PRKAG2: variants seen among roughly 807,000 people sequenced by gnomAD.
PRKAG2 encodes the protein 5'-AMP-activated protein kinase subunit gamma-2.
In PRKAG2, 26 loss-of-function variants were observed where a neutral mutation model predicts 69.6. The observed-to-expected ratio is 0.37, with a 90% CI of 0.27 to 0.52. The LOEUF is 0.52. Among genes scored for constraint, PRKAG2 ranks in the 20% least tolerant of loss-of-function variants. PRKAG2 has a pLI of 0.90. For missense variants in PRKAG2, 557 were observed against 740.0 expected (o/e 0.75, Z 2.87); for synonymous variants, 293 against 285.0 (o/e 1.03, Z -0.28).
chr7:151,656,068 TAAACCTG>T (rs1829364480), intron 4 of PRKAG2, among the ~76,000 whole-genome samples: 1 of 152,238 alleles, frequency 6.6e-6, no homozygotes, highest in Non-Finnish European at 1.5e-5. Context: ...CTAATTTTTT[TAAACCTG>T]AAACCTGAGT....
chr7:151,581,461 G>T (rs376805956), intron 6 of PRKAG2, among the ~76,000 whole-genome samples: 2 of 152,072 alleles, frequency 1.3e-5, no homozygotes, highest in East Asian at 1.9e-4. Context: ...AAACAAGAGG[G>T]CTTCCTTCAG....
rs376566666 is a variant in PRKAG2 at position 151,575,928 on chromosome 7, C to CA, written c.946+442dup. On this transcript the variant is annotated intron_variant, in intron 7 of 15. Transcript: ENST00000287878. Reference sequence around the variant, plus strand: ...AAAAAAAAAAAGAAAAAAAGGACAACAGTGTTTGGACCTTACTAGCACGTC... The same window carrying CA: ...AAAAAAAAAAAGAAAAAAAGGACAACAAGTGTTTGGACCTTACTAGCACGTC... Among the ~76,000 whole-genome samples the CA allele has an allele frequency of 3.1e-3, 444 of 145,378 alleles. 3 individuals are homozygous for CA. The highest frequency in any genetic ancestry group is 0.011 in the African/African-American group (422 of 39,142).
chr7:151,811,959 G>A (rs969795541), intron 1 of PRKAG2, among the ~76,000 whole-genome samples: 1 of 152,126 alleles, frequency 6.6e-6, no homozygotes, highest in Admixed American at 6.5e-5. Context: ...CAAATTCATG[G>A]AGCCTCAATT....
chr7:151,785,956 G>A (rs2076984264), intron 2 of PRKAG2, among the ~76,000 whole-genome samples: 1 of 152,208 alleles, frequency 6.6e-6, no homozygotes, highest in African/African-American at 2.4e-5. Flanking sequence ...ACCAGTGCAG[G>A]AGGGACGGCG....
chr7:151,823,055 C>T (rs1314671448), intron 1 of PRKAG2, among the ~76,000 whole-genome samples: 8 of 101,256 alleles, frequency 7.9e-5, no homozygotes, highest in South Asian at 3.4e-4. Flanking sequence ...CAGCGGAAAA[C>T]GCAAGCTCAA....
At chr7:151,720,909 G>C (rs1796975552) in intron 3 of PRKAG2, among the ~76,000 whole-genome samples, 2 of 141,498 alleles carry the variant, frequency 1.4e-5, no homozygotes, top group African/African-American at 5.3e-5. Context: ...GGGTAGTGGT[G>C]GGGGGAATGG....
At chr7:151,779,676 T>C (rs989028750) in intron 3 of PRKAG2, among the ~76,000 whole-genome samples, 1 of 152,236 alleles carries the variant, frequency 6.6e-6, no homozygotes. Flanking sequence ...TGCCTCTGAC[T>C]AGGAGCCCTT....
chr7:151,783,936 A>C (rs943177090), intron 2 of PRKAG2, among the ~76,000 whole-genome samples: 5 of 150,854 alleles, frequency 3.3e-5, no homozygotes, highest in Non-Finnish European at 7.4e-5. Flanking sequence ...AAAAAAAAAA[A>C]AAAGAGGTTC....
intron 3 of PRKAG2, among the ~76,000 whole-genome samples, chr7:151,723,180 C>T (rs915753206): frequency 6.6e-6 from 1 of 152,184 alleles, no homozygotes; most frequent in African/African-American, 2.4e-5. Context: ...AATACCCTTT[C>T]CCTAATGCCC....
chr7:151,675,288 C>G (rs1832729794), intron 4 of PRKAG2, 132 bp downstream of exon 4: 1 of 888,916 alleles, frequency 1.1e-6, no homozygotes, highest in Non-Finnish European at 1.8e-6. Context: ...ATTTATGGTA[C>G]AATATCCTGA....
chr7:151,846,140 G>A (rs532175062), intron 1 of PRKAG2, among the ~76,000 whole-genome samples: 2 of 152,322 alleles, frequency 1.3e-5, no homozygotes, highest in African/African-American at 4.8e-5. Context: ...AACCATGTTA[G>A]AAGTTTTCCA....
chr7:151,568,268 T>C (rs1806725483), intron 11 of PRKAG2, among the ~76,000 whole-genome samples: 1 of 152,228 alleles, frequency 6.6e-6, no homozygotes, highest in Admixed American at 6.5e-5. Context: ...GGTTTTTCTA[T>C]CACTGCTGCA....
chr7:151,744,130 A>C (rs921174888), intron 3 of PRKAG2, among the ~76,000 whole-genome samples: 1 of 152,192 alleles, frequency 6.6e-6, no homozygotes, highest in Non-Finnish European at 1.5e-5. Flanking sequence ...CTTCCACAAG[A>C]GACACAATGG....
intron 1 of PRKAG2, among the ~76,000 whole-genome samples, chr7:151,794,861 T>C (rs1321615268): frequency 6.6e-6 from 1 of 152,162 alleles, no homozygotes; most frequent in South Asian, 2.1e-4. Context: ...CCTTGCCCAC[T>C]CCGGGCAGCC....
At chr7:151,864,028 G>A (rs2079999789) in intron 1 of PRKAG2, among the ~76,000 whole-genome samples, 1 of 152,190 alleles carries the variant, frequency 6.6e-6, no homozygotes, top group Non-Finnish European at 1.5e-5. Context: ...CCTTTCCTGA[G>A]AACTGATATT....
chr7:151,630,936 CTA>C (rs1164973856), intron 5 of PRKAG2, among the ~76,000 whole-genome samples: 5 of 152,212 alleles, frequency 3.3e-5, no homozygotes, highest in Non-Finnish European at 7.3e-5. Context: ...ATGACAATGA[CTA>C]TGAACGCGTT....
At position 151,777,473 on chromosome 7, in the gene PRKAG2, A is replaced by C. The variant is rs981899396; in HGVS notation, c.466+3679T>G. Among the ~76,000 whole-genome samples, 5 of 152,160 alleles carry C rather than the reference A, an allele frequency of 3.3e-5. No individual in the cohort carries two copies. In the East Asian group the frequency reaches 9.6e-4, roughly 29 times the overall value. ...AATGGCTGGGTTGCCTCCCTGCGGCAGTGAGTCCTGCTCTCTTAGCTGGGT... is the reference window on the plus strand; with the variant it reads ...AATGGCTGGGTTGCCTCCCTGCGGCCGTGAGTCCTGCTCTCTTAGCTGGGT... On this transcript the variant is annotated intron_variant, in intron 3 of 15. Coordinates refer to ENST00000287878, the MANE Select transcript of PRKAG2 (RefSeq NM_016203.4). The surrounding 1 kb of genome is among the most constrained non-coding windows in gnomAD (Gnocchi z 4.3).
Position 151,611,824 on chromosome 7 carries a change from C to T in PRKAG2, c.755-16370G>A, listed in dbSNP as rs1034302748. On this transcript the variant is annotated intron_variant, in intron 5 of 15. Coordinates refer to ENST00000287878, the MANE Select transcript of PRKAG2 (RefSeq NM_016203.4). ...ATCCCAGCACTTTGGGAGGACGAGG[C>T]GGGCAGATTACTTGAGGTCAGGAGT... Among the ~76,000 whole-genome samples the T allele has an allele frequency of 3.9e-5, 6 of 152,082 alleles. No homozygotes were observed. The South Asian group carries it at 6.2e-4, about 16-fold the overall frequency.
At chr7:151,633,960 C>T (rs765053850) in intron 4 of PRKAG2, among the ~76,000 whole-genome samples, 8 of 152,142 alleles carry the variant, frequency 5.3e-5, no homozygotes, top group African/African-American at 9.7e-5. Flanking sequence ...GACGGAGTCT[C>T]GCTCTGTCAC....
Sources: allele counts gnomAD v4.1 joint callset (sites outside exome capture counted in the v4.1 genomes callset), GRCh38; gene constraint gnomAD v4.1.1; non-coding constraint Gnocchi (gnomAD v3.1); transcripts MANE v1.5; gene names NCBI Gene and HGNC (gene_info 2026-07-23, HGNC 2026-07-21).